ALK: variants seen among roughly 807,000 people sequenced by gnomAD.
ALK encodes ALK tyrosine kinase receptor.
In ALK, 74 loss-of-function variants were observed where a neutral mutation model predicts 163.1. The ratio of observed to expected loss-of-function variants is 0.45; its 90% CI spans 0.38 to 0.55. The LOEUF is 0.55. Ranked by LOEUF, ALK falls within the 20% of genes least tolerant of loss-of-function variation. ALK has a pLI of 0.00. For missense variants in ALK, 2,063 were observed against 2,105.3 expected, an observed-to-expected ratio of 0.98 and a Z score of 0.39; for synonymous variants, 960 against 843.2, an observed-to-expected ratio of 1.14 and a Z score of -2.40.
chr2:29,294,946 T>A (rs1200561890), intron 9 of ALK, among the ~76,000 whole-genome samples: 1 of 152,210 alleles, frequency 6.6e-6, no homozygotes, highest in African/African-American at 2.4e-5. Context: ...CACTTCATTT[T>A]CCTTCAGTAC....
chr2:29,538,193 G>A (rs953404566), intron 3 of ALK, among the ~76,000 whole-genome samples: 1 of 150,786 alleles, frequency 6.6e-6, no homozygotes, highest in South Asian at 2.1e-4. Flanking sequence ...GATATTTGGG[G>A]GGGGCAGGGG....
At chr2:29,869,000 C>T (rs1666510918) in intron 1 of ALK, among the ~76,000 whole-genome samples, 1 of 152,150 alleles carries the variant, frequency 6.6e-6, no homozygotes, top group African/African-American at 2.4e-5. Context: ...AGCTGAGGTC[C>T]CAGCTGATAG....
At chr2:29,563,590 C>T (rs1674086239) in intron 3 of ALK, among the ~76,000 whole-genome samples, 1 of 152,116 alleles carries the variant, frequency 6.6e-6, no homozygotes, top group African/African-American at 2.4e-5. Context: ...AACATACAAA[C>T]CAAGAGGCTC....
At position 29,440,380 on chromosome 2, in the gene ALK, G is replaced by A. The variant is rs147104921; in HGVS notation, c.1155-56521C>T. Among the ~76,000 whole-genome samples, 52 of 145,726 alleles carry A rather than the reference G, an allele frequency of 3.6e-4. No homozygotes were observed. The East Asian group carries it at 9.2e-3, about 26-fold the overall frequency. On this transcript the variant is annotated intron_variant, in intron 4 of 28. Coordinates refer to ENST00000389048, the MANE Select transcript of ALK (RefSeq NM_004304.5). Reference sequence around the variant, plus strand: ...CCAAGTAGCTGGAGTGCAGTGGTGCGATCTCCGCTCACTATAATCTCTGCC... The same window carrying A: ...CCAAGTAGCTGGAGTGCAGTGGTGCAATCTCCGCTCACTATAATCTCTGCC...
intron 1 of ALK, among the ~76,000 whole-genome samples, chr2:29,812,284 G>GT (rs1190953248): frequency 6.6e-6 from 1 of 152,158 alleles, no homozygotes; most frequent in Non-Finnish European, 1.5e-5. Flanking sequence ...CCAGCTTTGG[G>GT]TAAGAGGGTA....
Position 29,383,858 on chromosome 2 carries a change from A to G in ALK, c.1156T>C (p.Trp386Arg). The change falls in exon 5 of 29, where the codon TGG (tryptophan) becomes CGG (arginine). Residue 386 changes from tryptophan (W) to arginine (R), a missense_variant and splice_region_variant. Physicochemically the swap from Trp to Arg is moderately radical, Grantham distance 101. Transcript: ENST00000389048. ...LLMPTPGKHG[W>R]TVLQGRIGRP... ...CCGATTCTTCCCTGGAGCACTGTCC[A>G]ACTGGTTGCATTGGAAAACAGAGGA... is the stretch of plus-strand genomic sequence containing the variant. 6.2e-7 allele frequency: 1 copy of G among 1,614,056 alleles called. No individual in the cohort carries two copies. The highest frequency in any genetic ancestry group is 8.5e-7 in the Non-Finnish European group (1 of 1,179,968).
At chr2:29,356,360 G>A (rs1668245336) in intron 5 of ALK, among the ~76,000 whole-genome samples, 1 of 152,052 alleles carries the variant, frequency 6.6e-6, no homozygotes, top group Non-Finnish European at 1.5e-5. Flanking sequence ...TAGCTTACAC[G>A]GCTAGTGAGG....
At chr2:29,310,358 T>C (rs1052149404) in intron 8 of ALK, among the ~76,000 whole-genome samples, 11 of 152,188 alleles carry the variant, frequency 7.2e-5, no homozygotes, top group African/African-American at 2.2e-4. Flanking sequence ...AGCCTTATAC[T>C]AGGGAATCAA....
chr2:29,233,424 G>A (rs755185105), intron 14 of ALK, 141 bp downstream of exon 14: 48 of 1,251,102 alleles, frequency 3.8e-5, no homozygotes, highest in Non-Finnish European at 4.8e-5. Flanking sequence ...AGGATTACAG[G>A]AATGAGCCAC....
chr2:29,493,324 G>C (rs1326275695), intron 4 of ALK, among the ~76,000 whole-genome samples: 1 of 152,150 alleles, frequency 6.6e-6, no homozygotes. Context: ...CGCTGTTTCA[G>C]GTCCTAATTT....
intron 11 of ALK, among the ~76,000 whole-genome samples, chr2:29,274,674 G>GCTTC (rs773660167): frequency 1.3e-5 from 2 of 152,222 alleles, no homozygotes; most frequent in Non-Finnish European, 2.9e-5. Context: ...AGCTTTGGGG[G>GCTTC]CTTTACCCAT....
intron 1 of ALK, among the ~76,000 whole-genome samples, chr2:29,805,358 T>C (rs1468580598): frequency 6.6e-6 from 1 of 152,204 alleles, no homozygotes; most frequent in Non-Finnish European, 1.5e-5. Flanking sequence ...TGTTACATAG[T>C]GTGGACATGT....
chr2:29,493,597 A>G (rs898444004), intron 4 of ALK, among the ~76,000 whole-genome samples: 1 of 152,194 alleles, frequency 6.6e-6, no homozygotes, highest in African/African-American at 2.4e-5. Context: ...CTTTCAAAAC[A>G]AAACTGACTT....
chr2:29,520,342 CAA>C (rs1001211237), intron 4 of ALK, among the ~76,000 whole-genome samples: 1 of 152,222 alleles, frequency 6.6e-6, no homozygotes. Context: ...CGCAAGTTTT[CAA>C]AGAGTTTCTG....
At chr2:29,497,565 A>G (rs760044525) in intron 4 of ALK, among the ~76,000 whole-genome samples, 44 of 152,162 alleles carry the variant, frequency 2.9e-4, no homozygotes, top group Non-Finnish European at 4.9e-4. Flanking sequence ...ACACAGACCC[A>G]TGCTCTGTTG....
Position 29,448,158 on chromosome 2 carries a change from C to T in ALK, c.1155-64299G>A, listed in dbSNP as rs78803657. 1.2e-4 allele frequency among the ~76,000 whole-genome samples: 19 copies of T among 152,254 alleles called. No individual in the cohort carries two copies. The East Asian group carries it at 2.9e-3, about 23-fold the overall frequency. ...TTTTCCTTTTGTATTTCACTGCTAA[C>T]GGACACAGTTCGAATCAAATCTCTA... On this transcript the variant is annotated intron_variant, in intron 4 of 28. Transcript: ENST00000389048.
intron 3 of ALK, among the ~76,000 whole-genome samples, chr2:29,694,649 G>A (rs998900686): frequency 6.6e-6 from 1 of 152,218 alleles, no homozygotes. Context: ...AAGAATAAAG[G>A]TTTGGGCTGA....
At position 29,559,797 on chromosome 2, in the gene ALK, G is replaced by GTGTGTGTGTGTT. The variant is rs1437698276; in HGVS notation, c.953-27682_953-27681insAACACACACACA. On this transcript the variant is annotated intron_variant, in intron 3 of 28. Transcript: ENST00000389048. The stretch of plus-strand genomic sequence containing the variant: ...TGTGTGTGTGTGTGTGTGTGTGTGT[G>GTGTGTGTGTGTT]TGTGTATTAGTTCACACATTATCCT... Among the ~76,000 whole-genome samples, 93 of 148,206 alleles carry GTGTGTGTGTGTT rather than the reference G, an allele frequency of 6.3e-4. 1 individual carries two copies. Among genetic ancestry groups the GTGTGTGTGTGTT allele is most frequent in the African/African-American group, 2.2e-3 (88 of 40,786 alleles).
At chr2:29,707,579 T>C (rs959009521) in intron 2 of ALK, among the ~76,000 whole-genome samples, 1 of 152,184 alleles carries the variant, frequency 6.6e-6, no homozygotes, top group Non-Finnish European at 1.5e-5. Context: ...GAGGAGGAGA[T>C]AAGGTTATTC....
Sources: gnomAD v4.1 joint callset for allele counts (sites outside exome capture counted in the v4.1 genomes callset) on GRCh38, gnomAD v4.1.1 for gene constraint, MANE v1.5 for transcripts, NCBI Gene and HGNC (gene_info 2026-07-23, HGNC 2026-07-21) for gene names.